The following PPP2R1A variants were observed in gnomAD, a reference collection of about 807,000 sequenced individuals.
PPP2R1A encodes protein phosphatase 2 scaffold subunit Aalpha.
PPP2R1A carries 15 observed loss-of-function variants against 67.1 expected under a neutral mutation model. The ratio of observed to expected loss-of-function variants is 0.22; its 90% CI spans 0.15 to 0.34. PPP2R1A has a LOEUF of 0.34. Ranked by LOEUF, PPP2R1A falls within the 10% of genes least tolerant of loss-of-function variation. PPP2R1A has a pLI of 1.00. For synonymous variants in PPP2R1A, 337 were observed against 325.0 expected (o/e 1.04, Z -0.40); for missense variants, 369 against 775.0 (o/e 0.48, Z 6.22).
rs868111759 is a variant in PPP2R1A, at chr19:52,226,556, C to G, written c.*575C>G. 1 of 200,638 alleles carries G rather than the reference C, an allele frequency of 5.0e-6. No homozygotes were observed. The highest frequency in any genetic ancestry group is 2.3e-5 in the African/African-American group (1 of 43,314). 12.4% of individuals were successfully genotyped at this position (200,638 alleles called of 1,614,324 possible). A position where few individuals can be genotyped will look rare whatever the true frequency, so the allele number is the denominator to read the frequency against. On this transcript the variant is annotated 3_prime_UTR_variant, in exon 15 of 15. Transcript: ENST00000322088. ...TGTCCCGAAAGAATACTCTGGGGAT[C>G]CCCCCAGGAGTGCTGCTGGCCTTTG...
At chr19:52,196,416 T>C (rs186294803) in intron 1 of PPP2R1A, among the ~76,000 whole-genome samples, 1 of 152,154 alleles carries the variant, frequency 6.6e-6, no homozygotes, top group African/African-American at 2.4e-5. Flanking sequence ...CTGGCCTGTT[T>C]TGGTTATAAG....
intron 1 of PPP2R1A, among the ~76,000 whole-genome samples, chr19:52,192,105 G>T (rs2089459349): frequency 1.3e-5 from 2 of 152,064 alleles, no homozygotes; most frequent in Admixed American, 1.3e-4. Flanking sequence ...GTGTGGTCAG[G>T]GGAGGCCTTG....
chr19:52,192,630 T>C (rs972481597), intron 1 of PPP2R1A, among the ~76,000 whole-genome samples: 1 of 152,136 alleles, frequency 6.6e-6, no homozygotes, highest in Non-Finnish European at 1.5e-5. Flanking sequence ...TTGTTTTTTT[T>C]AACTCCAGGA....
At chr19:52,223,095 T>C (rs951509542) in intron 13 of PPP2R1A, among the ~76,000 whole-genome samples, 7 of 152,110 alleles carry the variant, frequency 4.6e-5, no homozygotes, top group Non-Finnish European at 8.8e-5. Flanking sequence ...AATCGCCCAA[T>C]AGAATGGAAT....
Position 52,212,724 on chromosome 19 carries a change from TGCG to T in PPP2R1A, c.547_549del (p.Arg183del). 1 of 1,614,064 alleles carries T rather than the reference TGCG, an allele frequency of 6.2e-7. No homozygotes were observed. The highest frequency in any genetic ancestry group is 2.2e-5 in the East Asian group (1 of 44,882). On this transcript the variant is annotated inframe_deletion, in exon 5 of 15. Transcript: ENST00000322088. The surrounding 1 kb of genome is among the most constrained non-coding windows in gnomAD (Gnocchi z 4.1). ...CTGTGCTCAGATGACACCCCCATGG[TGCG>T]GCGGGCCGCAGCCTCCAAGCTGGGG...
rs1316201079 is a variant in PPP2R1A at position 52,211,083 on chromosome 19, T to C, written c.271-177T>C. Among the ~76,000 whole-genome samples the C allele has an allele frequency of 6.6e-6, 1 of 152,176 alleles. No homozygotes were observed. Among genetic ancestry groups the C allele is most frequent in the Non-Finnish European group, 1.5e-5 (1 of 68,034 alleles). ...TTCTGCTGGCTGGCATAATATTACG[T>C]TTTTCCTTTGAGTCATTCATTGCAA... On this transcript the variant is annotated intron_variant, in intron 3 of 14. Transcript: ENST00000322088. This position sits in a 1 kb window ranked among gnomAD's most constrained non-coding sequence, Gnocchi z 5.3.
Position 52,212,228 on chromosome 19 carries a change from G to A in PPP2R1A, c.504-458G>A, listed in dbSNP as rs115626786. On this transcript the variant is annotated intron_variant, in intron 4 of 14. Transcript: ENST00000322088. This position sits in a 1 kb window ranked among gnomAD's most constrained non-coding sequence, Gnocchi z 4.1. ...AGCCTCTCAAATAGCTGGGACCACAGGTGTGCAACACCACGCTGGGCTCAT... is the reference window on the plus strand; with the variant it reads ...AGCCTCTCAAATAGCTGGGACCACAAGTGTGCAACACCACGCTGGGCTCAT... Among the ~76,000 whole-genome samples, 2 of 152,262 alleles carry A rather than the reference G, an allele frequency of 1.3e-5. No homozygotes were observed. The highest frequency in any genetic ancestry group is 4.8e-5 in the African/African-American group (2 of 41,552).
chr19:52,221,089 G>A lies in PPP2R1A; in HGVS notation c.1474G>A (p.Asp492Asn). The A allele has an allele frequency of 6.2e-7, 1 of 1,614,244 alleles. No individual in the cohort carries two copies. ...CCCCAAGGTCTTGGCCATGTCCGGA[G>A]ACCCCAACTACCTGCACCGCATGAC... is the stretch of plus-strand genomic sequence containing the variant. The part of the protein sequence containing the change: ...IIPKVLAMSG[D>N]PNYLHRMTTL... The change falls in exon 12 of 15, where the codon GAC becomes AAC. Residue 492 changes from aspartate to asparagine, a missense_variant. Around this residue, in one of 2 missense-constraint regions of PPP2R1A, gnomAD observed 276 missense variants for 508.4 expected, o/e 0.54. Coordinates refer to ENST00000322088, the MANE Select transcript of PPP2R1A (RefSeq NM_014225.6).
At chr19:52,222,265 A>T in intron 13 of PPP2R1A, 24 bp downstream of exon 13, 1 of 1,606,990 alleles carries the variant, frequency 6.2e-7, no homozygotes, top group Middle Eastern at 1.7e-4. Flanking sequence ...ACTCCCCCAC[A>T]CACTGGCAGG....
At chr19:52,203,249 G>A (rs1220507442) in intron 2 of PPP2R1A, among the ~76,000 whole-genome samples, 1 of 152,190 alleles carries the variant, frequency 6.6e-6, no homozygotes, top group East Asian at 1.9e-4. Flanking sequence ...GGGTGCAGGT[G>A]TGTCTGACTG....
At chr19:52,205,571 G>T (rs1480404452) in intron 2 of PPP2R1A, among the ~76,000 whole-genome samples, 1 of 152,190 alleles carries the variant, frequency 6.6e-6, no homozygotes, top group Non-Finnish European at 1.5e-5. Context: ...GTGCTGAGGG[G>T]AGAAGCTGGA....
At chr19:52,193,034 T>C (rs960893408) in intron 1 of PPP2R1A, among the ~76,000 whole-genome samples, 5 of 152,200 alleles carry the variant, frequency 3.3e-5, no homozygotes, top group African/African-American at 1.2e-4. Context: ...GCGTAACAAA[T>C]TATTGGGTGC....
At position 52,216,730 on chromosome 19, in the gene PPP2R1A, G is replaced by A. The variant is rs1445924734; in HGVS notation, c.1128+67G>A. The A allele has an allele frequency of 8.1e-6, 13 of 1,605,120 alleles. No homozygotes were observed. The highest frequency in any genetic ancestry group is 1.1e-5 in the South Asian group (1 of 90,836). The stretch of plus-strand genomic sequence containing the variant: ...CAGGCGGGTCTTCCTAGATTGCTAG[G>A]GTTTACCTAGATTGACCAGGAATCT... On this transcript the variant is annotated intron_variant, in intron 9 of 14. Coordinates refer to ENST00000322088, the MANE Select transcript of PPP2R1A (RefSeq NM_014225.6). The surrounding 1 kb of genome is among the most constrained non-coding windows in gnomAD (Gnocchi z 4.3).
Position 52,212,965 on chromosome 19 carries a change from G to A in PPP2R1A, c.662G>A (p.Arg221Gln), listed in dbSNP as rs1405455410. ...NLASDEQDSVRLLAVEACVNI... is the reference protein window; with the variant it reads ...NLASDEQDSVQLLAVEACVNI... ...CTCTCCTCTCCCTAGGACTCGGTGC[G>A]GCTGCTGGCGGTGGAGGCGTGCGTG... is the stretch of plus-strand genomic sequence containing the variant. Residue 221 changes from arginine (R) to glutamine (Q), a missense_variant, in exon 6 of 15, where the codon CGG (arginine) becomes CAG (glutamine). This residue lies in a region of PPP2R1A where 276 missense variants were observed against 508.4 expected (regional missense o/e 0.54). Coordinates refer to ENST00000322088, the MANE Select transcript of PPP2R1A (RefSeq NM_014225.6). This position sits in a 1 kb window ranked among gnomAD's most constrained non-coding sequence, Gnocchi z 4.1. 3 of 1,598,940 alleles carry A rather than the reference G, an allele frequency of 1.9e-6. No homozygotes were observed. Among genetic ancestry groups the A allele is most frequent in the East Asian group, 2.2e-5 (1 of 44,824 alleles).
In PPP2R1A at chr19:52,212,933, A is replaced by C. The variant is rs953044867; in HGVS notation, c.652-22A>C. The C allele has an allele frequency of 1.5e-5, 23 of 1,572,454 alleles. No individual in the cohort carries two copies. The highest frequency in any genetic ancestry group is 2.0e-5 in the Non-Finnish European group (23 of 1,158,872). On this transcript the variant is annotated intron_variant, in intron 5 of 14. Coordinates refer to ENST00000322088, the MANE Select transcript of PPP2R1A (RefSeq NM_014225.6). The surrounding 1 kb of genome is among the most constrained non-coding windows in gnomAD (Gnocchi z 4.1). Reference sequence around the variant, plus strand: ...TCAGCAAGGCCTCTGCTGCCCTCCCACTGTTCCTCTCCTCTCCCTAGGACT... The same window carrying C: ...TCAGCAAGGCCTCTGCTGCCCTCCCCCTGTTCCTCTCCTCTCCCTAGGACT...
In PPP2R1A at chr19:52,213,457, GTTTTTTTTTTTTT is replaced by G. The variant is rs398035011; in HGVS notation, c.807+365_807+377del. ...GCCCAAAAAGGTGGGGTTTTTTGGT[GTTTTTTTTTTTTT>G]TTTTTTTTTTTTTTTTTAAGATGGA... is the stretch of plus-strand genomic sequence containing the variant. On this transcript the variant is annotated intron_variant, in intron 6 of 14. Coordinates refer to ENST00000322088, the MANE Select transcript of PPP2R1A (RefSeq NM_014225.6). The surrounding 1 kb of genome is among the most constrained non-coding windows in gnomAD (Gnocchi z 4.2). 1.1e-4 allele frequency among the ~76,000 whole-genome samples: 8 copies of G among 71,740 alleles called. No individual in the cohort carries two copies. Among genetic ancestry groups the G allele is most frequent in the African/African-American group, 2.7e-4 (5 of 18,348 alleles). 47.1% of individuals were successfully genotyped at this position (71,740 alleles called of 152,430 possible).
At chr19:52,205,446 AAGG>A (rs72118309) in intron 2 of PPP2R1A, among the ~76,000 whole-genome samples, 2,129 of 152,198 alleles carry the variant, frequency 0.014, 50 homozygotes, top group African/African-American at 0.049. Flanking sequence ...GGTGGCATGG[AAGG>A]AGAGAGAGAC....
chr19:52,211,588 G>T lies in PPP2R1A; in HGVS notation c.503+96G>T. 1 of 1,277,754 alleles carries T rather than the reference G, an allele frequency of 7.8e-7. No individual in the cohort carries two copies. Among genetic ancestry groups the T allele is most frequent in the Non-Finnish European group, 1.1e-6 (1 of 928,970 alleles). The allele number at this position is 1,277,754 out of a possible 1,614,324, so 79.2% of individuals were successfully genotyped here. On this transcript the variant is annotated intron_variant, in intron 4 of 14. Transcript: ENST00000322088. This position sits in a 1 kb window ranked among gnomAD's most constrained non-coding sequence, Gnocchi z 5.3. ...CTTTTGGTCTAGCTGGGGCCCAAAT[G>T]CCCCTGAACTCTCTCCACTCCCACT...
chr19:52,214,046 G>C (rs946584099), intron 6 of PPP2R1A, among the ~76,000 whole-genome samples: 1 of 152,178 alleles, frequency 6.6e-6, no homozygotes, highest in African/African-American at 2.4e-5. Flanking sequence ...GTGTGGGACA[G>C]ACAGACAGAT....
Sources: allele counts gnomAD v4.1 joint callset (sites outside exome capture counted in the v4.1 genomes callset), GRCh38; gene constraint gnomAD v4.1.1; regional missense constraint gnomAD v4.1.1; non-coding constraint Gnocchi (gnomAD v3.1); transcripts MANE v1.5; gene names NCBI Gene and HGNC (gene_info 2026-07-23, HGNC 2026-07-21).